Variants in DMD observed in about 807,000 individuals in gnomAD.
DMD encodes the protein mutant dystrophin.
A neutral mutation model predicts 330.1 loss-of-function variants in DMD; 63 were observed. That is an observed-to-expected ratio of 0.19 (90% CI 0.16 to 0.24). The LOEUF (loss-of-function observed/expected upper bound fraction) is 0.24. Ranked by LOEUF, DMD falls within the 10% of genes least tolerant of loss-of-function variation. The probability of loss-of-function intolerance (pLI) is 1.00; values close to 1 mark genes in which losing one functional copy is unlikely to be tolerated. For synonymous variants in DMD, 1,223 were observed against 959.8 expected (o/e 1.27, Z -5.07); for missense variants, 3,344 against 2,684.1 (o/e 1.25, Z -5.43).
At chrX:33,094,070 ATG>A (rs997521104) in intron 1 of DMD, among the ~76,000 whole-genome samples, 6 of 110,914 alleles carry the variant, frequency 5.4e-5, no homozygotes, top group Admixed American at 9.7e-5. Flanking sequence ...ACTATTGAAA[ATG>A]TGTGTTTTTT....
intron 33 of DMD, 55 bp from the exon 34 acceptor site, chrX:32,380,735 T>C (rs1013265473): frequency 3.0e-6 from 3 of 1,004,487 alleles, no homozygotes; most frequent in African/African-American, 3.7e-5. Context: ...TCAAATTTCG[T>C]TATAACCACT....
chrX:31,944,948 C>T (rs1046473865), intron 45 of DMD, among the ~76,000 whole-genome samples: 3 of 111,464 alleles, frequency 2.7e-5, no homozygotes, highest in African/African-American at 9.8e-5. Context: ...TTGAAATAAT[C>T]CATTAGGTAT....
chrX:31,404,499 T>C (rs1032005859), intron 60 of DMD, among the ~76,000 whole-genome samples: 4 of 111,937 alleles, frequency 3.6e-5, no homozygotes, highest in Non-Finnish European at 7.5e-5. Flanking sequence ...ATGGACAAAA[T>C]GCAATCAATA....
chrX:32,736,425 C>A (rs1276361245), intron 7 of DMD, among the ~76,000 whole-genome samples: 1 of 110,881 alleles, frequency 9.0e-6, no homozygotes, highest in Non-Finnish European at 1.9e-5. Context: ...GGTATATACC[C>A]ATAGGACTAT....
chrX:31,416,346 A>C (rs1047252876), intron 60 of DMD, among the ~76,000 whole-genome samples: 2 of 112,348 alleles, frequency 1.8e-5, no homozygotes, highest in African/African-American at 3.2e-5. Context: ...TCATTAGTAA[A>C]ATTTAAGACA....
chrX:32,115,023 T>C (rs946162929), intron 44 of DMD, among the ~76,000 whole-genome samples: 9 of 112,387 alleles, frequency 8.0e-5, no homozygotes, highest in African/African-American at 2.9e-4. Flanking sequence ...ACACTGTTTT[T>C]GATTCTATCA....
chrX:31,250,104 CAT>C (rs1343796765), intron 63 of DMD, among the ~76,000 whole-genome samples: 2 of 111,186 alleles, frequency 1.8e-5, no homozygotes, highest in East Asian at 5.6e-4. Flanking sequence ...AACCTAAACT[CAT>C]AAAGTGACAA....
intron 11 of DMD, among the ~76,000 whole-genome samples, chrX:32,618,005 A>T (rs182018080): frequency 8.9e-6 from 1 of 111,945 alleles, no homozygotes; most frequent in East Asian, 2.8e-4. Flanking sequence ...AATGCAAATT[A>T]AAACCACAAT....
chrX:33,309,015 C>T (rs541149195), intron 1 of DMD, among the ~76,000 whole-genome samples: 4 of 111,346 alleles, frequency 3.6e-5, no homozygotes, highest in South Asian at 3.7e-4. Context: ...AGGATGCATT[C>T]GGGGCATTTT....
intron 60 of DMD, among the ~76,000 whole-genome samples, chrX:31,424,639 T>C (rs2063601448): frequency 1.8e-5 from 2 of 112,568 alleles, no homozygotes; most frequent in Non-Finnish European, 3.8e-5. Context: ...TACATAATTT[T>C]AGATATTGAC....
At position 32,159,057 on chromosome X, in the gene DMD, T is replaced by TA. The variant is rs766924900; in HGVS notation, c.6438+57858dup. ...GTGCTGTTTCCACCAAACTAAGTTGTAATACCATGATCCTTACCCAATCCT... is the reference window on the plus strand; with the variant it reads ...GTGCTGTTTCCACCAAACTAAGTTGTAAATACCATGATCCTTACCCAATCCT... On this transcript the variant is annotated intron_variant, in intron 44 of 78. Coordinates refer to ENST00000357033, the MANE Select transcript of DMD (RefSeq NM_004006.3). 2.0e-4 allele frequency among the ~76,000 whole-genome samples: 22 copies of TA among 112,257 alleles called. No individual in the cohort carries two copies. The East Asian group carries it at 4.5e-3, about 23-fold the overall frequency.
chrX:32,953,898 C>A (rs776120403), intron 2 of DMD, among the ~76,000 whole-genome samples: 6 of 112,067 alleles, frequency 5.4e-5, no homozygotes, highest in Non-Finnish European at 7.5e-5. Context: ...CATTAATCTC[C>A]TTCCAGGTTA....
chrX:32,788,603 G>C (rs1392626715), intron 7 of DMD, among the ~76,000 whole-genome samples: 1 of 111,670 alleles, frequency 9.0e-6, no homozygotes, highest in Non-Finnish European at 1.9e-5. Flanking sequence ...AACAGTGCAG[G>C]CTCCAAAGTT....
chrX:32,716,730 A>C (rs1332603035), intron 7 of DMD, among the ~76,000 whole-genome samples: 3 of 111,020 alleles, frequency 2.7e-5, no homozygotes, highest in Non-Finnish European at 5.7e-5. Context: ...CAAAATGCTG[A>C]TATTGATATG....
chrX:32,183,477 TTTTC>T (rs1231266228), intron 44 of DMD, among the ~76,000 whole-genome samples: 2 of 108,133 alleles, frequency 1.8e-5, no homozygotes, highest in East Asian at 2.9e-4. Context: ...CAAAATTATG[TTTTC>T]TTTAATTATT....
chrX:31,633,353 C>A (rs779020328), intron 54 of DMD, among the ~76,000 whole-genome samples: 1 of 111,690 alleles, frequency 9.0e-6, no homozygotes, highest in Non-Finnish European at 1.9e-5. Flanking sequence ...GCTTTACACT[C>A]GATACAGATT....
At chrX:31,790,713 C>T (rs932285860) in intron 50 of DMD, among the ~76,000 whole-genome samples, 23 of 110,838 alleles carry the variant, frequency 2.1e-4, no homozygotes, top group African/African-American at 7.5e-4. Context: ...AACCCCCAAA[C>T]CATAGCCAAC....
chrX:31,519,926 T>C lies in DMD; in HGVS notation c.8218-12473A>G, dbSNP rs1245831319. Among the ~76,000 whole-genome samples the C allele has an allele frequency of 2.7e-5, 3 of 111,928 alleles. No homozygotes were observed. The South Asian group carries it at 1.1e-3, about 42-fold the overall frequency. On this transcript the variant is annotated intron_variant, in intron 55 of 78. Transcript: ENST00000357033. ...TCTTCTGGAGAGTGTGACTTTTGTG[T>C]GTGTGCCTAGATAGTTCTTTCATCC...
chrX:31,353,620 G>A, intron 60 of DMD, among the ~76,000 whole-genome samples: 1 of 111,975 alleles, frequency 8.9e-6, no homozygotes, highest in Non-Finnish European at 1.9e-5. Context: ...GATATTGCTG[G>A]TGGCAATATG....
Sources: allele counts gnomAD v4.1 joint callset (sites outside exome capture counted in the v4.1 genomes callset), GRCh38; gene constraint gnomAD v4.1.1; transcripts MANE v1.5; gene names NCBI Gene and HGNC (gene_info 2026-07-23, HGNC 2026-07-21).